Variants in RBFOX1 observed in about 807,000 individuals in gnomAD.
RBFOX1 encodes the protein RNA binding fox-1 homolog 1, also known as RNA binding protein fox-1 homolog 1.
A neutral mutation model predicts 57.7 loss-of-function variants in RBFOX1; 8 were observed. The observed-to-expected ratio is 0.14, with a 90% CI of 0.08 to 0.25. The LOEUF (loss-of-function observed/expected upper bound fraction) is 0.25. RBFOX1 is among the 10% of genes least tolerant of loss of function. RBFOX1 has a pLI of 1.00. For synonymous variants in RBFOX1, 326 were observed against 222.4 expected, an observed-to-expected ratio of 1.47 and a Z score of -4.15; for missense variants, 611 against 548.5, an observed-to-expected ratio of 1.11 and a Z score of -1.14.
chr16:5,921,048 G>A (rs1409461306), intron 4 of RBFOX1, among the ~76,000 whole-genome samples: 1 of 152,188 alleles, frequency 6.6e-6, no homozygotes, highest in Admixed American at 6.5e-5. Flanking sequence ...CGTCTCTGAT[G>A]TGTTGGTGGG....
chr16:6,996,566 A>C (rs1388780926), intron 3 of RBFOX1, among the ~76,000 whole-genome samples: 5 of 152,112 alleles, frequency 3.3e-5, no homozygotes, highest in Non-Finnish European at 7.4e-5. Context: ...CAAATATTTA[A>C]CTCATTTACT....
chr16:5,658,895 C>G (rs2049552769), intron 3 of RBFOX1, among the ~76,000 whole-genome samples: 1 of 148,824 alleles, frequency 6.7e-6, no homozygotes, highest in African/African-American at 2.5e-5. Flanking sequence ...ATATATCTCA[C>G]ATAGTTTCTT....
chr16:7,316,554 G>C (rs1025594478), intron 4 of RBFOX1, among the ~76,000 whole-genome samples: 4 of 152,206 alleles, frequency 2.6e-5, no homozygotes, highest in Admixed American at 6.5e-5. Flanking sequence ...AGGAAAGCAG[G>C]TCTGCTTTTC....
At chr16:6,068,424 A>C (rs1193325068) in intron 1 of RBFOX1, among the ~76,000 whole-genome samples, 2 of 152,188 alleles carry the variant, frequency 1.3e-5, no homozygotes. Context: ...GCCTACCTAG[A>C]GTTGTGCCTA....
intron 4 of RBFOX1, among the ~76,000 whole-genome samples, chr16:7,516,064 C>A (rs751969570): frequency 1.3e-5 from 2 of 152,122 alleles, no homozygotes; most frequent in Non-Finnish European, 2.9e-5. Flanking sequence ...AGTCTGGTCT[C>A]GAACTCCTGA....
At position 7,074,888 on chromosome 16, in the gene RBFOX1, C is replaced by G. The variant is rs1470448250; in HGVS notation, c.27+22790C>G. 5.9e-5 allele frequency among the ~76,000 whole-genome samples: 9 copies of G among 152,136 alleles called. 1 individual carries two copies. The highest frequency in any genetic ancestry group is 1.9e-4 in the African/African-American group (8 of 41,410). On this transcript the variant is annotated intron_variant, in intron 4 of 15. Coordinates refer to ENST00000550418, the MANE Select transcript of RBFOX1 (RefSeq NM_018723.4). ...TAATGAGTACAGGTAACTAAGTTCTCTAAAGCCATCCCCCAGTGAGACATT... is the reference window on the plus strand; with the variant it reads ...TAATGAGTACAGGTAACTAAGTTCTGTAAAGCCATCCCCCAGTGAGACATT...
At chr16:7,129,058 A>T (rs1489072710) in intron 4 of RBFOX1, among the ~76,000 whole-genome samples, 2 of 151,934 alleles carry the variant, frequency 1.3e-5, no homozygotes, top group African/African-American at 4.8e-5. Flanking sequence ...TAACCTCGTG[A>T]TCCGCCCACC....
intron 4 of RBFOX1, among the ~76,000 whole-genome samples, chr16:7,087,710 G>A (rs571261406): frequency 6.6e-6 from 1 of 152,124 alleles, no homozygotes; most frequent in Admixed American, 6.5e-5. Context: ...TGTAAGGAAA[G>A]AAGAGGGTCT....
intron 1 of RBFOX1, among the ~76,000 whole-genome samples, chr16:5,401,311 G>T (rs1191035237): frequency 2.6e-5 from 4 of 152,114 alleles, no homozygotes; most frequent in Non-Finnish European, 5.9e-5. Flanking sequence ...AAACCGTTTT[G>T]TCAGTGTTTT....
At chr16:6,250,485 G>A (rs1252296926) in intron 1 of RBFOX1, among the ~76,000 whole-genome samples, 1 of 152,178 alleles carries the variant, frequency 6.6e-6, no homozygotes, top group East Asian at 1.9e-4. Context: ...AGCACAGGCA[G>A]TACATGGCTT....
At chr16:5,464,317 G>A (rs2068887915) in intron 1 of RBFOX1, among the ~76,000 whole-genome samples, 1 of 152,352 alleles carries the variant, frequency 6.6e-6, no homozygotes, top group Non-Finnish European at 1.5e-5. Context: ...ATGCCATGGT[G>A]AATGATTCTC....
At chr16:7,367,301 G>C (rs572316639) in intron 4 of RBFOX1, among the ~76,000 whole-genome samples, 72 of 152,300 alleles carry the variant, frequency 4.7e-4, no homozygotes, top group Non-Finnish European at 8.5e-4. Flanking sequence ...TCAGTTTGTA[G>C]TCATCATCAT....
At chr16:6,222,909 T>C (rs2097385933) in intron 1 of RBFOX1, among the ~76,000 whole-genome samples, 1 of 151,872 alleles carries the variant, frequency 6.6e-6, no homozygotes, top group Non-Finnish European at 1.5e-5. Flanking sequence ...GTCCATGTGT[T>C]CTCATTGTTC....
intron 4 of RBFOX1, among the ~76,000 whole-genome samples, chr16:7,337,594 C>T (rs1022179853): frequency 2.6e-5 from 4 of 152,164 alleles, no homozygotes; most frequent in South Asian, 4.1e-4. Flanking sequence ...AACTCCTAAG[C>T]ACTGCGTCTC....
intron 1 of RBFOX1, among the ~76,000 whole-genome samples, chr16:5,249,459 G>A (rs2062390176): frequency 6.6e-6 from 1 of 152,220 alleles, no homozygotes; most frequent in African/African-American, 2.4e-5. Flanking sequence ...GGGAGGGGAC[G>A]TGCACGGCCC....
intron 3 of RBFOX1, among the ~76,000 whole-genome samples, chr16:6,980,455 GTCT>G (rs879262958): frequency 6.6e-6 from 1 of 152,132 alleles, no homozygotes; most frequent in Non-Finnish European, 1.5e-5. Context: ...CAAAAAACTT[GTCT>G]TCTTATGTTG....
At chr16:5,397,914 C>T (rs940877107) in intron 1 of RBFOX1, among the ~76,000 whole-genome samples, 5 of 152,328 alleles carry the variant, frequency 3.3e-5, no homozygotes, top group Non-Finnish European at 7.3e-5. Context: ...ATTATGGTAA[C>T]ACTATGTGCC....
At chr16:7,442,750 G>A (rs542562747) in intron 4 of RBFOX1, among the ~76,000 whole-genome samples, 47 of 152,288 alleles carry the variant, frequency 3.1e-4, no homozygotes, top group Non-Finnish European at 6.2e-4. Context: ...GAAAGACCTG[G>A]TTGCTAATAG....
chr16:6,761,197 A>G (rs1453237925), intron 3 of RBFOX1, among the ~76,000 whole-genome samples: 7 of 152,172 alleles, frequency 4.6e-5, no homozygotes, highest in Non-Finnish European at 1.0e-4. Context: ...GAACTAAAGG[A>G]GGCAAATGAG....
Sources: allele counts gnomAD v4.1 joint callset (sites outside exome capture counted in the v4.1 genomes callset), GRCh38; gene constraint gnomAD v4.1.1; transcripts MANE v1.5; gene names NCBI Gene and HGNC (gene_info 2026-07-23, HGNC 2026-07-21).